The following MYRIP variants were observed in gnomAD, a reference collection of about 807,000 sequenced individuals.
MYRIP encodes myosin VIIA and Rab interacting protein.
MYRIP carries 49 observed loss-of-function variants against 98.0 expected under a neutral mutation model. That is an observed-to-expected ratio of 0.50 (90% CI 0.40 to 0.63). The LOEUF (loss-of-function observed/expected upper bound fraction) is 0.63, where lower values mean the gene tolerates loss of function less well. Among genes scored for constraint, MYRIP ranks in the 30% least tolerant of loss-of-function variants. The pLI, the probability that MYRIP is intolerant of heterozygous loss-of-function variation, is 0.00. For missense variants in MYRIP, 1,004 were observed against 1,058.2 expected, an observed-to-expected ratio of 0.95 and a Z score of 0.71; for synonymous variants, 404 against 409.5, an observed-to-expected ratio of 0.99 and a Z score of 0.16.
intron 2 of MYRIP, among the ~76,000 whole-genome samples, chr3:40,001,249 A>G (rs567028128): frequency 1.1e-4 from 16 of 152,332 alleles, no homozygotes; most frequent in African/African-American, 3.1e-4. Flanking sequence ...TTTGGCAAAA[A>G]TGGTGAAAGT....
chr3:39,828,151 A>G (rs1195750662), intron 1 of MYRIP, among the ~76,000 whole-genome samples: 2 of 151,962 alleles, frequency 1.3e-5, no homozygotes, highest in Non-Finnish European at 2.9e-5. Context: ...TGGAGTTTTC[A>G]GCTATTATTT....
intron 4 of MYRIP, among the ~76,000 whole-genome samples, chr3:40,160,145 A>G (rs2125587010): frequency 6.6e-6 from 1 of 152,170 alleles, no homozygotes; most frequent in African/African-American, 2.4e-5. Context: ...TTGGTCTTTG[A>G]TGATGGTGAT....
At chr3:39,914,791 A>G (rs1944113606) in intron 2 of MYRIP, among the ~76,000 whole-genome samples, 1 of 152,138 alleles carries the variant, frequency 6.6e-6, no homozygotes, top group Non-Finnish European at 1.5e-5. Flanking sequence ...GAGTCCTGAT[A>G]AAATAGTTGA....
In MYRIP at chr3:39,869,083, A is replaced by C. The variant is rs374557717; in HGVS notation, c.-30-31704A>C. 6.0e-4 allele frequency among the ~76,000 whole-genome samples: 92 copies of C among 152,230 alleles called. 4 individuals carry two copies. The Middle Eastern group carries it at 0.017, about 28-fold the overall frequency. On this transcript the variant is annotated intron_variant, in intron 1 of 16. Transcript: ENST00000302541. ...ACCTGGAGTTCTTCAAGATTTCTGG[A>C]TGTGCGATTAATACTTTTCATCAAA...
intron 3 of MYRIP, among the ~76,000 whole-genome samples, chr3:40,045,723 A>G (rs1947657146): frequency 6.6e-6 from 1 of 152,192 alleles, no homozygotes; most frequent in South Asian, 2.1e-4. Context: ...TCCTGTAACA[A>G]ATTATGAATC....
chr3:39,940,752 C>A (rs993067316), intron 2 of MYRIP, among the ~76,000 whole-genome samples: 3 of 151,944 alleles, frequency 2.0e-5, no homozygotes, highest in African/African-American at 2.4e-5. Flanking sequence ...CATATGAAAG[C>A]AAATAAGCAT....
chr3:40,099,363 G>A (rs1382700015), intron 3 of MYRIP, among the ~76,000 whole-genome samples: 2 of 152,192 alleles, frequency 1.3e-5, no homozygotes, highest in Non-Finnish European at 2.9e-5. Flanking sequence ...TTGTAATTTG[G>A]TGGAGTATGA....
At chr3:39,852,561 C>T (rs1942163532) in intron 1 of MYRIP, among the ~76,000 whole-genome samples, 1 of 151,852 alleles carries the variant, frequency 6.6e-6, no homozygotes. Context: ...CCCTGAGTCC[C>T]CAAAGTCCTT....
chr3:40,113,207 G>A (rs1350246486), intron 3 of MYRIP, among the ~76,000 whole-genome samples: 2 of 152,318 alleles, frequency 1.3e-5, no homozygotes, highest in South Asian at 2.1e-4. Context: ...GCAGTGGTGC[G>A]ATCTTGGCTC....
intron 2 of MYRIP, among the ~76,000 whole-genome samples, chr3:39,909,733 A>G (rs1206070207): frequency 6.6e-6 from 1 of 152,060 alleles, no homozygotes; most frequent in Non-Finnish European, 1.5e-5. Flanking sequence ...TGTTTTCACA[A>G]CCCCAAATCA....
chr3:39,919,693 G>GT (rs796639053), intron 2 of MYRIP, among the ~76,000 whole-genome samples: 1,571 of 143,254 alleles, frequency 0.011, 25 homozygotes, highest in East Asian at 0.073. Context: ...GGGTATGTGT[G>GT]GTGTGTGTGT....
At position 39,895,553 on chromosome 3, in the gene MYRIP, G is replaced by A. The variant is rs79623850; in HGVS notation, c.-30-5234G>A. 9.3e-3 allele frequency among the ~76,000 whole-genome samples: 1,404 copies of A among 151,560 alleles called. 26 individuals are homozygous for A. Among genetic ancestry groups the A allele is most frequent in the African/African-American group, 0.032 (1,326 of 41,310 alleles). On this transcript the variant is annotated intron_variant, in intron 1 of 16. Transcript: ENST00000302541. ...TTTTTCGCTATGTGAAACTTTTTTT[G>A]CGGTAAACATTTGGGTGTTACTTTT...
At chr3:40,148,924 A>T (rs1187430065) in intron 3 of MYRIP, among the ~76,000 whole-genome samples, 1 of 152,184 alleles carries the variant, frequency 6.6e-6, no homozygotes, top group Non-Finnish European at 1.5e-5. Flanking sequence ...TAGGGCTGAA[A>T]GGTGGAGGTG....
intron 1 of MYRIP, among the ~76,000 whole-genome samples, chr3:39,871,289 T>A (rs191747189): frequency 6.6e-6 from 1 of 152,368 alleles, no homozygotes; most frequent in East Asian, 1.9e-4. Context: ...CTGTTTGCAA[T>A]TTGGAATGCC....
At position 40,167,242 on chromosome 3, in the gene MYRIP, A is replaced by G; in HGVS notation, c.729+3A>G. ...TGGCCACGACAATCCTGCAGAAGGT[A>G]GGTGGGTCCTGGCAGTGGGATGGCT... On this transcript the variant is annotated splice_donor_region_variant and intron_variant, in intron 7 of 16. Transcript: ENST00000302541. 1 of 1,614,078 alleles carries G rather than the reference A, an allele frequency of 6.2e-7. No homozygotes were observed. The highest frequency in any genetic ancestry group is 8.5e-7 in the Non-Finnish European group (1 of 1,179,980).
chr3:40,135,649 C>T (rs1401254245), intron 3 of MYRIP, among the ~76,000 whole-genome samples: 1 of 152,182 alleles, frequency 6.6e-6, no homozygotes, highest in African/African-American at 2.4e-5. Flanking sequence ...TCGGGTTACC[C>T]ACAAAGGGAA....
At chr3:40,128,198 C>T (rs1949560543) in intron 3 of MYRIP, among the ~76,000 whole-genome samples, 1 of 152,146 alleles carries the variant, frequency 6.6e-6, no homozygotes, top group African/African-American at 2.4e-5. Flanking sequence ...TTAATAGGGG[C>T]TTACATACAG....
At position 40,167,233 on chromosome 3, in the gene MYRIP, G is replaced by A; in HGVS notation, c.723G>A (p.Leu241=). Residue 241 remains leucine, a synonymous_variant, in exon 7 of 17, where the codon CTG becomes CTA. Coordinates refer to ENST00000302541, the MANE Select transcript of MYRIP (RefSeq NM_015460.4). ...ELTEELATTI[L]QKIIRKQKSK... ...CTGAGGAACTGGCCACGACAATCCT[G>A]CAGAAGGTAGGTGGGTCCTGGCAGT... 6.2e-7 allele frequency: 1 copy of A among 1,614,154 alleles called. No individual in the cohort carries two copies. The highest frequency in any genetic ancestry group is 1.3e-5 in the African/African-American group (1 of 75,068).
At chr3:40,207,478 T>C (rs891431096) in intron 10 of MYRIP, among the ~76,000 whole-genome samples, 1 of 152,174 alleles carries the variant, frequency 6.6e-6, no homozygotes, top group African/African-American at 2.4e-5. Context: ...TCACTTCCAA[T>C]AGATGTTTTT....
Sources: allele counts gnomAD v4.1 joint callset (sites outside exome capture counted in the v4.1 genomes callset), GRCh38; gene constraint gnomAD v4.1.1; transcripts MANE v1.5; gene names NCBI Gene and HGNC (gene_info 2026-07-23, HGNC 2026-07-21).